The following LRRC4C variants were observed in gnomAD, a reference collection of about 807,000 sequenced individuals.
LRRC4C encodes leucine rich repeat containing 4C.
LRRC4C carries 5 observed loss-of-function variants against 33.6 expected under a neutral mutation model. The ratio of observed to expected loss-of-function variants is 0.15; its 90% confidence interval spans 0.08 to 0.31. LRRC4C has a LOEUF of 0.31. Among genes scored for constraint, LRRC4C ranks in the 10% least tolerant of loss-of-function variants. LRRC4C has a pLI of 1.00. For synonymous variants in LRRC4C, 329 were observed against 302.0 expected (o/e 1.09, Z -0.93); for missense variants, 560 against 796.7 (o/e 0.70, Z 3.58).
intron 3 of LRRC4C, chr11:40,446,202 G>C (rs1951628471): frequency 6.6e-6 from 1 of 152,064 alleles, no homozygotes; most frequent in Admixed American, 6.6e-5. Flanking sequence ...AATGTCTACT[G>C]TATTCAAAAT....
chr11:40,685,403 T>A (rs1373740714), intron 2 of LRRC4C, among the ~76,000 whole-genome samples: 8 of 151,912 alleles, frequency 5.3e-5, no homozygotes, highest in Non-Finnish European at 8.8e-5. Context: ...GTAAAATATA[T>A]AAATGCATAC....
intron 3 of LRRC4C, among the ~76,000 whole-genome samples, chr11:40,614,713 T>C (rs1485396663): frequency 6.6e-6 from 1 of 151,674 alleles, no homozygotes; most frequent in Non-Finnish European, 1.5e-5. Flanking sequence ...TTCCCTTCAT[T>C]TGAACACTTA....
chr11:40,626,759 A>G (rs1591310510), intron 3 of LRRC4C, among the ~76,000 whole-genome samples: 2 of 152,226 alleles, frequency 1.3e-5, no homozygotes, highest in East Asian at 3.9e-4. Flanking sequence ...TTATTTACAG[A>G]AGTGATTTTG....
chr11:41,157,293 G>A (rs927124070), intron 1 of LRRC4C, among the ~76,000 whole-genome samples: 3 of 152,070 alleles, frequency 2.0e-5, no homozygotes, highest in Admixed American at 6.6e-5. Context: ...TCAGCCAGGA[G>A]GTCAGTTTCA....
chr11:41,007,134 C>CA (rs1235180217), intron 1 of LRRC4C, among the ~76,000 whole-genome samples: 2 of 151,502 alleles, frequency 1.3e-5, no homozygotes, highest in Non-Finnish European at 2.9e-5. Context: ...ACCCTGTTGC[C>CA]AAAAAATGCA....
chr11:40,195,501 G>A (rs1862187628), intron 5 of LRRC4C, among the ~76,000 whole-genome samples: 1 of 152,162 alleles, frequency 6.6e-6, no homozygotes, highest in African/African-American at 2.4e-5. Context: ...GGGCAAGGAT[G>A]TGGGTAGCAG....
intron 3 of LRRC4C, among the ~76,000 whole-genome samples, chr11:40,613,803 A>T (rs1221579017): frequency 6.6e-6 from 1 of 151,862 alleles, no homozygotes; most frequent in Non-Finnish European, 1.5e-5. Flanking sequence ...AGGCAAAAGA[A>T]ATCATTAACA....
chr11:40,996,741 G>T (rs1244685133), intron 1 of LRRC4C, among the ~76,000 whole-genome samples: 2 of 152,144 alleles, frequency 1.3e-5, no homozygotes, highest in Non-Finnish European at 2.9e-5. Flanking sequence ...AATGGCAAAG[G>T]GGGAACAGGA....
intron 1 of LRRC4C, among the ~76,000 whole-genome samples, chr11:41,447,725 C>A (rs896179155): frequency 6.6e-6 from 1 of 152,102 alleles, no homozygotes; most frequent in African/African-American, 2.4e-5. Flanking sequence ...ATCTACGACA[C>A]AAAAATGTTC....
At chr11:40,914,173 G>C (rs746420558) in intron 2 of LRRC4C, among the ~76,000 whole-genome samples, 1 of 152,122 alleles carries the variant, frequency 6.6e-6, no homozygotes, top group Non-Finnish European at 1.5e-5. Context: ...TAGAAAAAGA[G>C]GGAATCCTCC....
intron 2 of LRRC4C, among the ~76,000 whole-genome samples, chr11:40,756,529 A>G (rs1391055219): frequency 1.3e-5 from 2 of 152,046 alleles, no homozygotes; most frequent in African/African-American, 4.8e-5. Context: ...CACTGCCTCA[A>G]TGAAACTGCT....
At chr11:40,623,548 C>T (rs1228054837) in intron 3 of LRRC4C, among the ~76,000 whole-genome samples, 22 of 151,970 alleles carry the variant, frequency 1.4e-4, no homozygotes, top group Non-Finnish European at 3.2e-4. Context: ...AGTAATATTA[C>T]ATTAGAGTTC....
intron 1 of LRRC4C, among the ~76,000 whole-genome samples, chr11:41,112,499 C>T (rs921374612): frequency 1.3e-5 from 2 of 151,988 alleles, no homozygotes; most frequent in African/African-American, 4.8e-5. Context: ...TACTATATTC[C>T]AAATTGAATC....
chr11:41,111,540 C>T (rs186672765), intron 1 of LRRC4C, among the ~76,000 whole-genome samples: 131 of 151,930 alleles, frequency 8.6e-4, no homozygotes, highest in East Asian at 5.8e-4. Context: ...TTGGCAAAGA[C>T]GAGGAAAAAA....
At chr11:41,343,620 G>A (rs1422201311) in intron 1 of LRRC4C, among the ~76,000 whole-genome samples, 2 of 152,146 alleles carry the variant, frequency 1.3e-5, no homozygotes, top group Non-Finnish European at 2.9e-5. Context: ...TAAAAGATAT[G>A]CTGGTCCAAC....
intron 1 of LRRC4C, among the ~76,000 whole-genome samples, chr11:41,415,841 A>C (rs1338330071): frequency 6.6e-6 from 1 of 152,132 alleles, no homozygotes; most frequent in Non-Finnish European, 1.5e-5. Flanking sequence ...TAACTCTTGG[A>C]TCAGAGGAGG....
At chr11:40,391,964 T>C (rs1282361714) in intron 3 of LRRC4C, among the ~76,000 whole-genome samples, 2 of 152,172 alleles carry the variant, frequency 1.3e-5, no homozygotes, top group African/African-American at 4.8e-5. Context: ...TATTCATCAG[T>C]ACAAAGAAAT....
chr11:40,559,154 C>T (rs1957445884), intron 3 of LRRC4C, among the ~76,000 whole-genome samples: 1 of 148,196 alleles, frequency 6.7e-6, no homozygotes. Context: ...GTGAATAGTG[C>T]TGCAATGAAA....
In LRRC4C at chr11:40,656,326, A is replaced by T. The variant is rs141298869; in HGVS notation, c.-406-8048T>A. 2.9e-3 allele frequency among the ~76,000 whole-genome samples: 437 copies of T among 149,806 alleles called. 4 individuals carry two copies. The highest frequency in any genetic ancestry group is 0.01 in the African/African-American group (419 of 40,596). On this transcript the variant is annotated intron_variant, in intron 2 of 6. Transcript: ENST00000528697. ...TCCCTAATTTCCTCCTCTTTTTCACACAAGTGTTTATATGAAAAATATATG... is the reference window on the plus strand; with the variant it reads ...TCCCTAATTTCCTCCTCTTTTTCACTCAAGTGTTTATATGAAAAATATATG...
Sources: gnomAD v4.1 joint callset for allele counts (sites outside exome capture counted in the v4.1 genomes callset) on GRCh38, gnomAD v4.1.1 for gene constraint, MANE v1.5 for transcripts, NCBI Gene and HGNC (gene_info 2026-07-23, HGNC 2026-07-21) for gene names.